SYN3: variants seen among roughly 807,000 people sequenced by gnomAD.
The protein encoded by SYN3 is synapsin-3.
A neutral mutation model predicts 65.8 loss-of-function variants in SYN3; 35 were observed. The ratio of observed to expected loss-of-function variants is 0.53; its 90% CI spans 0.41 to 0.70. SYN3 has a LOEUF of 0.70. Among genes scored for constraint, SYN3 ranks in the 30% least tolerant of loss-of-function variants. SYN3 has a pLI of 0.00. For synonymous variants in SYN3, 270 were observed against 292.9 expected (o/e 0.92, Z 0.80); for missense variants, 680 against 749.0 (o/e 0.91, Z 1.08).
chr22:32,906,552 C>T (rs1425416322), intron 4 of SYN3, among the ~76,000 whole-genome samples: 2 of 152,100 alleles, frequency 1.3e-5, no homozygotes, highest in Non-Finnish European at 2.9e-5. Flanking sequence ...AGGTTTGTTA[C>T]ATAGGTACAC....
chr22:32,721,597 T>G (rs1881650643), intron 6 of SYN3, among the ~76,000 whole-genome samples: 1 of 152,244 alleles, frequency 6.6e-6, no homozygotes, highest in African/African-American at 2.4e-5. Flanking sequence ...CATAGCACAC[T>G]TTTGAATTCA....
intron 4 of SYN3, among the ~76,000 whole-genome samples, chr22:32,915,027 G>C (rs1032995395): frequency 1.3e-5 from 2 of 152,142 alleles, no homozygotes; most frequent in Non-Finnish European, 2.9e-5. Context: ...AGGCTCAAGT[G>C]CAAGTTATTT....
chr22:32,810,202 A>T (rs1459777221), intron 6 of SYN3, among the ~76,000 whole-genome samples: 1 of 152,198 alleles, frequency 6.6e-6, no homozygotes, highest in Non-Finnish European at 1.5e-5. Context: ...CTGTTAAAAA[A>T]TTAGTGTTTG....
rs1470984259 is a variant in SYN3 at position 32,802,006 on chromosome 22, C to T, written c.711+62909G>A. 4 of 1,583,378 alleles carry T rather than the reference C, an allele frequency of 2.5e-6. No individual in the cohort carries two copies. The South Asian group carries it at 4.6e-5, about 18-fold the overall frequency. Reference sequence around the variant, plus strand: ...GCAGCGGCGGCAGCAGCGGCAATGACCCCTTGGCTCGGGCTCATCGTGCTC... The same window carrying T: ...GCAGCGGCGGCAGCAGCGGCAATGATCCCTTGGCTCGGGCTCATCGTGCTC... On this transcript the variant is annotated intron_variant, in intron 6 of 13. Coordinates refer to ENST00000358763, the MANE Select transcript of SYN3 (RefSeq NM_003490.4).
At chr22:32,704,925 T>G (rs1023724831) in intron 6 of SYN3, among the ~76,000 whole-genome samples, 1 of 152,212 alleles carries the variant, frequency 6.6e-6, no homozygotes, top group Non-Finnish European at 1.5e-5. Context: ...TCTTGCACAT[T>G]TAAGTTCCTT....
At chr22:32,737,695 T>C (rs2061352332) in intron 6 of SYN3, among the ~76,000 whole-genome samples, 1 of 152,250 alleles carries the variant, frequency 6.6e-6, no homozygotes, top group Non-Finnish European at 1.5e-5. Flanking sequence ...TATCTATTCC[T>C]GTCCACCTAA....
intron 4 of SYN3, among the ~76,000 whole-genome samples, chr22:32,899,586 A>G (rs1601650686): frequency 1.3e-5 from 2 of 152,300 alleles, no homozygotes; most frequent in Admixed American, 6.5e-5. Flanking sequence ...GCATTTCTGA[A>G]TTCATCCACT....
In SYN3 at chr22:32,655,573, G is replaced by A. The variant is rs1018568511; in HGVS notation, c.712-58837C>T. Among the ~76,000 whole-genome samples the A allele has an allele frequency of 1.6e-3, 251 of 152,176 alleles. 4 individuals carry two copies. The highest frequency in any genetic ancestry group is 7.9e-4 in the African/African-American group (33 of 41,524). On this transcript the variant is annotated intron_variant, in intron 6 of 13. Coordinates refer to ENST00000358763, the MANE Select transcript of SYN3 (RefSeq NM_003490.4). ...CTCTGCCTCCTGTTAGATCAGTAGC[G>A]GCATTAGATTCTCATAGGAGCGTGG... is the stretch of plus-strand genomic sequence containing the variant.
chr22:32,954,689 C>T lies in SYN3; in HGVS notation c.370-23208G>A, dbSNP rs772624357. The stretch of plus-strand genomic sequence containing the variant: ...AGTAGTACCACAGATGAACCAGAAA[C>T]TGCAAGAGGAAAGCAGTCCTGGGAA... On this transcript the variant is annotated intron_variant, in intron 3 of 13. Transcript: ENST00000358763. Among the ~76,000 whole-genome samples, 9 of 152,254 alleles carry T rather than the reference C, an allele frequency of 5.9e-5. No individual in the cohort carries two copies. The Middle Eastern group carries it at 0.01, about 173-fold the overall frequency.
intron 2 of SYN3, among the ~76,000 whole-genome samples, chr22:32,988,532 C>T (rs9621614): frequency 0.058 from 8,748 of 151,882 alleles, 809 homozygotes; most frequent in African/African-American, 0.2. Context: ...AGGAAACAAG[C>T]GCAAAGACAA....
At chr22:32,886,340 A>G (rs528720359) in intron 4 of SYN3, among the ~76,000 whole-genome samples, 3 of 152,272 alleles carry the variant, frequency 2.0e-5, no homozygotes, top group African/African-American at 7.2e-5. Context: ...TCTCCCTGTG[A>G]AAATGGCAGC....
At chr22:32,771,191 G>C (rs1437239242) in intron 6 of SYN3, among the ~76,000 whole-genome samples, 1 of 152,200 alleles carries the variant, frequency 6.6e-6, no homozygotes, top group Non-Finnish European at 1.5e-5. Flanking sequence ...AGTTTGCTGA[G>C]AAGGATGGTT....
At chr22:32,940,833 A>G (rs1382060030) in intron 3 of SYN3, among the ~76,000 whole-genome samples, 2 of 152,232 alleles carry the variant, frequency 1.3e-5, no homozygotes, top group African/African-American at 4.8e-5. Flanking sequence ...CCCAGTGATG[A>G]CAGGAGCAAA....
At chr22:32,857,651 C>T (rs986405386) in intron 6 of SYN3, among the ~76,000 whole-genome samples, 4 of 152,212 alleles carry the variant, frequency 2.6e-5, no homozygotes, top group South Asian at 2.1e-4. Context: ...CCACCTCACA[C>T]TCGACCTGTT....
intron 3 of SYN3, among the ~76,000 whole-genome samples, chr22:32,979,671 T>C (rs971476583): frequency 1.2e-4 from 19 of 152,348 alleles, no homozygotes; most frequent in East Asian, 3.9e-4. Flanking sequence ...ATGCTGATGA[T>C]AAATGGGTAA....
intron 6 of SYN3, among the ~76,000 whole-genome samples, chr22:32,799,241 TTTGGAATAAGAGAGAA>T (rs2046504147): frequency 6.6e-6 from 1 of 152,080 alleles, no homozygotes; most frequent in African/African-American, 2.4e-5. Context: ...CTGACTCAGG[TTTGGAATAAGAGAGAA>T]CATCCCAACT....
chr22:32,877,696 C>T (rs973775132), intron 4 of SYN3, among the ~76,000 whole-genome samples: 3 of 152,122 alleles, frequency 2.0e-5, no homozygotes, highest in Non-Finnish European at 2.9e-5. Flanking sequence ...TCACTGTCCC[C>T]CTTCTCCGCA....
chr22:32,674,427 G>A (rs1308347641), intron 6 of SYN3, among the ~76,000 whole-genome samples: 1 of 152,190 alleles, frequency 6.6e-6, no homozygotes, highest in Non-Finnish European at 1.5e-5. Flanking sequence ...AAGGGGCTTT[G>A]CTTCTGTTGC....
At chr22:32,525,355 G>T (rs2057957941) in intron 12 of SYN3, among the ~76,000 whole-genome samples, 1 of 152,178 alleles carries the variant, frequency 6.6e-6, no homozygotes, top group African/African-American at 2.4e-5. Context: ...ATGAGGAGCT[G>T]CTTCTTATGG....
Sources: allele counts gnomAD v4.1 joint callset (sites outside exome capture counted in the v4.1 genomes callset), GRCh38; gene constraint gnomAD v4.1.1; transcripts MANE v1.5; gene names NCBI Gene and HGNC (gene_info 2026-07-23, HGNC 2026-07-21).